PTPRT: variants seen among roughly 807,000 people sequenced by gnomAD.
PTPRT encodes the protein receptor-type tyrosine-protein phosphatase T.
A neutral mutation model predicts 176.8 loss-of-function variants in PTPRT; 56 were observed. That is an observed-to-expected ratio of 0.32 (90% CI 0.26 to 0.40). The LOEUF (loss-of-function observed/expected upper bound fraction) is 0.40, where lower values mean the gene tolerates loss of function less well. Among genes scored for constraint, PTPRT ranks in the 10% least tolerant of loss-of-function variants. PTPRT has a pLI of 1.00. For synonymous variants in PTPRT, 783 were observed against 739.0 expected, an observed-to-expected ratio of 1.06 and a Z score of -0.96; for missense variants, 1,540 against 1,908.2, an observed-to-expected ratio of 0.81 and a Z score of 3.60.
intron 15 of PTPRT, among the ~76,000 whole-genome samples, chr20:42,218,231 A>C (rs1352252182): frequency 1.3e-5 from 2 of 152,248 alleles, no homozygotes; most frequent in African/African-American, 2.4e-5. Flanking sequence ...ACATGGAAAA[A>C]TGCTAACTGG....
chr20:42,455,943 T>C (rs2070914908), intron 8 of PTPRT, among the ~76,000 whole-genome samples: 1 of 152,082 alleles, frequency 6.6e-6, no homozygotes, highest in Admixed American at 6.6e-5. Flanking sequence ...GACTAGCTTG[T>C]ACCTTTTCAA....
chr20:42,849,960 G>A (rs1362668139), intron 2 of PTPRT, among the ~76,000 whole-genome samples: 2 of 152,132 alleles, frequency 1.3e-5, no homozygotes, highest in African/African-American at 4.8e-5. Flanking sequence ...CTGGGTCCAG[G>A]TTTCATCACC....
chr20:42,385,957 T>C (rs993784376), intron 9 of PTPRT, among the ~76,000 whole-genome samples: 2 of 152,244 alleles, frequency 1.3e-5, no homozygotes, highest in South Asian at 4.1e-4. Context: ...GATCTCATGC[T>C]AAGTTTTCTT....
At chr20:42,384,209 T>C (rs1352972231) in intron 9 of PTPRT, among the ~76,000 whole-genome samples, 3 of 152,218 alleles carry the variant, frequency 2.0e-5, no homozygotes, top group Non-Finnish European at 2.9e-5. Flanking sequence ...ATTAATACAA[T>C]GTGGCTCTTG....
chr20:42,373,971 G>A (rs1288879614), intron 9 of PTPRT, among the ~76,000 whole-genome samples: 1 of 152,196 alleles, frequency 6.6e-6, no homozygotes, highest in Non-Finnish European at 1.5e-5. Context: ...GTGCTGGGGT[G>A]GGGTCTGTCA....
chr20:42,033,394 C>G, the PTPRT span, among the ~76,000 whole-genome samples: 1 of 152,124 alleles, frequency 6.6e-6, no homozygotes, highest in African/African-American at 2.4e-5. Context: ...TAGCTTATTG[C>G]ATGATTAAGG....
At chr20:42,145,536 A>AGATC (rs1555876059) in intron 17 of PTPRT, among the ~76,000 whole-genome samples, 1 of 151,522 alleles carries the variant, frequency 6.6e-6, no homozygotes, top group Non-Finnish European at 1.5e-5. Context: ...ATAGATAGAT[A>AGATC]GATAGATAGA....
chr20:42,707,348 G>A (rs2076076076), intron 6 of PTPRT, among the ~76,000 whole-genome samples: 1 of 152,160 alleles, frequency 6.6e-6, no homozygotes, highest in African/African-American at 2.4e-5. Context: ...TGCCGAGATA[G>A]CATTCCCATG....
intron 7 of PTPRT, among the ~76,000 whole-genome samples, chr20:42,622,511 A>AT (rs1199513717): frequency 6.6e-6 from 1 of 152,136 alleles, no homozygotes; most frequent in African/African-American, 2.4e-5. Flanking sequence ...AAGTGCTGGC[A>AT]TTACAGGCAT....
chr20:42,859,594 T>A (rs1432051403), intron 2 of PTPRT, among the ~76,000 whole-genome samples: 1 of 149,186 alleles, frequency 6.7e-6, no homozygotes, highest in Non-Finnish European at 1.5e-5. Context: ...TAATTTTTTT[T>A]TTTTTTTGAG....
At chr20:43,136,895 G>A (rs1470240348) in intron 1 of PTPRT, among the ~76,000 whole-genome samples, 1 of 152,184 alleles carries the variant, frequency 6.6e-6, no homozygotes, top group Admixed American at 6.5e-5. Flanking sequence ...TTTATTTGAA[G>A]ACGTTTCTTT....
intron 2 of PTPRT, among the ~76,000 whole-genome samples, chr20:42,820,718 A>T (rs2077877723): frequency 1.3e-5 from 2 of 152,210 alleles, no homozygotes; most frequent in African/African-American, 4.8e-5. Context: ...ACAATAAAAA[A>T]TGATAAAGGG....
chr20:42,688,040 C>T (rs986843901), intron 6 of PTPRT: 1 of 152,172 alleles, frequency 6.6e-6, no homozygotes, highest in African/African-American at 2.4e-5. Flanking sequence ...CAAGCCCACC[C>T]TGTTACATCA....
At chr20:42,871,315 TAA>T (rs34666147) in intron 2 of PTPRT, among the ~76,000 whole-genome samples, 41,012 of 147,264 alleles carry the variant, frequency 0.28, 5,726 homozygotes, top group African/African-American at 0.34. Context: ...CAGCCCTTTT[TAA>T]AAAAAAAAAA....
chr20:42,596,240 C>G (rs925483304), intron 7 of PTPRT, among the ~76,000 whole-genome samples: 2 of 152,184 alleles, frequency 1.3e-5, no homozygotes, highest in Non-Finnish European at 2.9e-5. Flanking sequence ...CACTTCATCC[C>G]TCTGTCTCCA....
Position 42,791,472 on chromosome 20 carries a change from G to A in PTPRT, c.215-6C>T, listed in dbSNP as rs1395866514. On this transcript the variant is annotated splice_region_variant and splice_polypyrimidine_tract_variant and intron_variant, in intron 2 of 30. Coordinates refer to ENST00000373187, the MANE Select transcript of PTPRT (RefSeq NM_007050.6). ...GTTCACCATCATGAAAGATCCTGGA[G>A]ACCCACAAAGCAGGTGGGAAGTAGA... 3.7e-6 allele frequency: 6 copies of A among 1,606,322 alleles called. No individual in the cohort carries two copies. Among genetic ancestry groups the A allele is most frequent in the Non-Finnish European group, 3.4e-6 (4 of 1,175,958 alleles).
At chr20:42,493,217 G>A (rs1601124523) in intron 7 of PTPRT, among the ~76,000 whole-genome samples, 1 of 152,166 alleles carries the variant, frequency 6.6e-6, no homozygotes, top group East Asian at 1.9e-4. Context: ...GAGTCTAGAA[G>A]CAAATTAACC....
At chr20:42,842,325 G>A (rs994427603) in intron 2 of PTPRT, among the ~76,000 whole-genome samples, 1 of 152,230 alleles carries the variant, frequency 6.6e-6, no homozygotes, top group African/African-American at 2.4e-5. Context: ...CAAGGGAGCT[G>A]AGTAGCTACA....
At chr20:42,063,197 C>T in the PTPRT span, among the ~76,000 whole-genome samples, 10 of 152,166 alleles carry the variant, frequency 6.6e-5, no homozygotes, top group East Asian at 1.9e-4. Context: ...GTTTTTGTGA[C>T]GAGGGCATTT....
Sources: allele counts gnomAD v4.1 joint callset (sites outside exome capture counted in the v4.1 genomes callset), GRCh38; gene constraint gnomAD v4.1.1; transcripts MANE v1.5; gene names NCBI Gene and HGNC (gene_info 2026-07-23, HGNC 2026-07-21).